CTNNA3: variants seen among roughly 807,000 people sequenced by gnomAD.
CTNNA3 encodes catenin alpha-3.
A neutral mutation model predicts 95.7 loss-of-function variants in CTNNA3; 76 were observed. That is an observed-to-expected ratio of 0.79 (90% CI 0.66 to 0.96). CTNNA3 has a LOEUF of 0.96. Ranked by LOEUF, CTNNA3 falls within the 40% of genes least tolerant of loss-of-function variation. The pLI is 0.00. For synonymous variants in CTNNA3, 431 were observed against 374.4 expected (o/e 1.15, Z -1.74); for missense variants, 1,191 against 1,089.8 (o/e 1.09, Z -1.31).
At chr10:67,154,847 G>A (rs552107944) in intron 7 of CTNNA3, among the ~76,000 whole-genome samples, 4 of 152,018 alleles carry the variant, frequency 2.6e-5, no homozygotes, top group Non-Finnish European at 5.9e-5. Flanking sequence ...CAGAATTCAC[G>A]GGCACTGAGC....
chr10:67,727,089 A>AT (rs1841237264), intron 1 of CTNNA3, among the ~76,000 whole-genome samples: 3 of 120,172 alleles, frequency 2.5e-5, no homozygotes, highest in South Asian at 2.4e-4. Flanking sequence ...TATATGATAT[A>AT]ATTATATATA....
At chr10:67,159,394 A>G (rs1861442604) in intron 7 of CTNNA3, among the ~76,000 whole-genome samples, 1 of 152,180 alleles carries the variant, frequency 6.6e-6, no homozygotes, top group African/African-American at 2.4e-5. Context: ...TCCTGCTACA[A>G]AGGAATCATA....
chr10:67,090,074 G>T (rs916385967), intron 7 of CTNNA3, among the ~76,000 whole-genome samples: 2 of 152,066 alleles, frequency 1.3e-5, no homozygotes, highest in East Asian at 3.9e-4. Context: ...GAAAATATCT[G>T]CCAATTTCTA....
At chr10:65,967,807 C>T (rs1224295744) in intron 16 of CTNNA3, among the ~76,000 whole-genome samples, 2 of 152,066 alleles carry the variant, frequency 1.3e-5, no homozygotes, top group African/African-American at 4.8e-5. Flanking sequence ...AAAATTCCTT[C>T]TAATTTAATT....
At chr10:66,907,145 C>T (rs1376141512) in intron 7 of CTNNA3, among the ~76,000 whole-genome samples, 1 of 152,110 alleles carries the variant, frequency 6.6e-6, no homozygotes, top group Non-Finnish European at 1.5e-5. Flanking sequence ...AATAACATTT[C>T]TCTTGTCATT....
At chr10:67,356,558 A>G (rs1278890211) in intron 5 of CTNNA3, among the ~76,000 whole-genome samples, 4 of 152,078 alleles carry the variant, frequency 2.6e-5, no homozygotes, top group Non-Finnish European at 5.9e-5. Flanking sequence ...CAGCCATTTC[A>G]TGGTGATCTG....
At chr10:66,511,554 G>A (rs955273489) in intron 11 of CTNNA3, among the ~76,000 whole-genome samples, 3 of 150,570 alleles carry the variant, frequency 2.0e-5, no homozygotes, top group Middle Eastern at 3.2e-3. Context: ...TTTTTGGTAT[G>A]TCTTGTTTCT....
chr10:66,057,500 G>T (rs1193475773), intron 15 of CTNNA3, among the ~76,000 whole-genome samples: 2 of 152,106 alleles, frequency 1.3e-5, no homozygotes, highest in East Asian at 3.9e-4. Flanking sequence ...ATCATGATTA[G>T]CAATCATCCT....
chr10:66,865,209 T>C (rs572826977), intron 7 of CTNNA3, among the ~76,000 whole-genome samples: 1,434 of 99,178 alleles, frequency 0.014, 16 homozygotes, highest in Non-Finnish European at 0.02. Context: ...GGTGTGTGTG[T>C]GTGCGTGTGT....
intron 17 of CTNNA3, among the ~76,000 whole-genome samples, chr10:65,937,620 C>T (rs765909392): frequency 3.3e-5 from 5 of 152,100 alleles, no homozygotes; most frequent in Non-Finnish European, 7.4e-5. Flanking sequence ...TTTCTTTGTG[C>T]ACCCTGTTGT....
At chr10:66,845,714 A>AC (rs1843233183) in intron 7 of CTNNA3, among the ~76,000 whole-genome samples, 1 of 128,920 alleles carries the variant, frequency 7.8e-6, no homozygotes, top group African/African-American at 2.9e-5. Context: ...AAAAAAAAAA[A>AC]AAAAAAAAAA....
intron 7 of CTNNA3, among the ~76,000 whole-genome samples, chr10:67,033,252 G>C (rs1417340308): frequency 1.3e-5 from 2 of 152,194 alleles, no homozygotes. Flanking sequence ...CTGAGGCAAA[G>C]TGTTATGTGA....
chr10:66,115,524 T>TGATA (rs71035110), intron 13 of CTNNA3, among the ~76,000 whole-genome samples: 18,228 of 137,602 alleles, frequency 0.13, 1,364 homozygotes, highest in East Asian at 0.18. Flanking sequence ...GATAGATAGA[T>TGATA]GATAGATAGA....
intron 7 of CTNNA3, among the ~76,000 whole-genome samples, chr10:67,172,807 C>T (rs1490828240): frequency 2.0e-5 from 3 of 151,990 alleles, no homozygotes; most frequent in Non-Finnish European, 4.4e-5. Context: ...AACCCTGTCT[C>T]TACTAAAAAA....
chr10:66,338,203 G>A (rs1216845706), intron 12 of CTNNA3, among the ~76,000 whole-genome samples: 2 of 151,898 alleles, frequency 1.3e-5, no homozygotes, highest in East Asian at 1.9e-4. Context: ...AGTCACAAAG[G>A]ACCACATGTT....
intron 3 of CTNNA3, among the ~76,000 whole-genome samples, chr10:67,542,584 A>G (rs1231845291): frequency 1.3e-5 from 2 of 152,130 alleles, no homozygotes; most frequent in Admixed American, 1.3e-4. Flanking sequence ...GGATATAGAT[A>G]TCAGTATGAA....
intron 13 of CTNNA3, among the ~76,000 whole-genome samples, chr10:66,235,783 ATT>A (rs1353360795): frequency 8.1e-3 from 1 of 124 alleles, no homozygotes; most frequent in Admixed American, 0.1. Flanking sequence ...TAATCTGACA[ATT>A]AATAGGGCCA....
At chr10:66,957,433 T>C (rs1185688517) in intron 7 of CTNNA3, among the ~76,000 whole-genome samples, 1 of 118,100 alleles carries the variant, frequency 8.5e-6, no homozygotes, top group African/African-American at 2.9e-5. Flanking sequence ...TATATGCATA[T>C]ATATATATGC....
At chr10:67,289,179 T>C (rs563247395) in intron 5 of CTNNA3, among the ~76,000 whole-genome samples, 11 of 152,302 alleles carry the variant, frequency 7.2e-5, no homozygotes, top group African/African-American at 2.4e-4. Flanking sequence ...CACTGGATCA[T>C]TGTGCATGCC....
Sources: allele counts gnomAD v4.1 joint callset (sites outside exome capture counted in the v4.1 genomes callset), GRCh38; gene constraint gnomAD v4.1.1; transcripts MANE v1.5; gene names NCBI Gene and HGNC (gene_info 2026-07-23, HGNC 2026-07-21).